Variants in ARAP2 observed in about 807,000 individuals in gnomAD.
ARAP2 encodes the protein ArfGAP with RhoGAP domain, ankyrin repeat and PH domain 2.
A neutral mutation model predicts 194.5 loss-of-function variants in ARAP2; 148 were observed. The observed-to-expected ratio is 0.76, with a 90% confidence interval of 0.67 to 0.87. ARAP2 has a LOEUF of 0.87. Ranked by LOEUF, ARAP2 falls within the 40% of genes least tolerant of loss-of-function variation. The pLI is 0.00. For missense variants in ARAP2, 2,128 were observed against 1,989.7 expected (o/e 1.07, Z -1.32); for synonymous variants, 695 against 683.5 (o/e 1.02, Z -0.26).
chr4:36,163,546 C>A (rs1312728923), intron 11 of ARAP2, among the ~76,000 whole-genome samples: 2 of 152,080 alleles, frequency 1.3e-5, no homozygotes, highest in Non-Finnish European at 2.9e-5. Context: ...AAAACCTATG[C>A]ACACTACAAC....
chr4:36,147,849 A>T, intron 17 of ARAP2, 103 bp from the exon 18 acceptor site: 1 of 1,017,652 alleles, frequency 9.8e-7, no homozygotes, highest in Non-Finnish European at 1.4e-6. Context: ...TTAGTTTTTC[A>T]ATTTTAAAGA....
intron 28 of ARAP2, among the ~76,000 whole-genome samples, chr4:36,090,747 T>TGGGG (rs759687128): frequency 6.6e-6 from 1 of 152,076 alleles, no homozygotes; most frequent in Non-Finnish European, 1.5e-5. Flanking sequence ...CAACACCCAC[T>TGGGG]GGGGCCTTTT....
intron 20 of ARAP2, among the ~76,000 whole-genome samples, chr4:36,130,378 T>C (rs535467214): frequency 6.5e-4 from 99 of 151,992 alleles, no homozygotes; most frequent in Non-Finnish European, 1.3e-3. Context: ...AACTCCTCCT[T>C]CTCACACTAA....
At position 36,154,548 on chromosome 4, in the gene ARAP2, A is replaced by G. The variant is rs918907086; in HGVS notation, c.2753-3504T>C. Among the ~76,000 whole-genome samples, 6 of 152,186 alleles carry G rather than the reference A, an allele frequency of 3.9e-5. No homozygotes were observed. The South Asian group carries it at 6.2e-4, about 16-fold the overall frequency. On this transcript the variant is annotated intron_variant, in intron 15 of 32. Coordinates refer to ENST00000303965, the MANE Select transcript of ARAP2 (RefSeq NM_015230.4). ...AAAGGGAAAACAAAACCAGGATGCT[A>G]TTATTCAACTGTGTACTTAGGTTCA...
intron 15 of ARAP2, among the ~76,000 whole-genome samples, chr4:36,154,480 A>T (rs1419310909): frequency 6.6e-6 from 1 of 152,210 alleles, no homozygotes; most frequent in Non-Finnish European, 1.5e-5. Context: ...ATGTAAACAA[A>T]TCAAGGTAAG....
At chr4:36,122,106 T>C (rs1722810834) in intron 22 of ARAP2, among the ~76,000 whole-genome samples, 1 of 151,310 alleles carries the variant, frequency 6.6e-6, no homozygotes, top group African/African-American at 2.4e-5. Flanking sequence ...TACTGAAAAG[T>C]CAAAAAAATA....
chr4:36,164,544 A>C (rs1734829863), intron 11 of ARAP2, among the ~76,000 whole-genome samples: 1 of 152,216 alleles, frequency 6.6e-6, no homozygotes, highest in Non-Finnish European at 1.5e-5. Context: ...CACTGAGGTG[A>C]AAAATATGTC....
intron 20 of ARAP2, among the ~76,000 whole-genome samples, chr4:36,132,135 T>C (rs1236651250): frequency 2.0e-5 from 3 of 151,778 alleles, no homozygotes; most frequent in Non-Finnish European, 4.4e-5. Flanking sequence ...TTAGTTCTGA[T>C]ATTTTGTTAC....
rs973504911 is a variant in ARAP2 at position 36,238,993 on chromosome 4, G to A, written c.-160+5186C>T. ...CTTGACGAGAAAATAAAGTGTTAAG[G>A]CCAGGCATGGTGGCTCACGCCTGTA... On this transcript the variant is annotated intron_variant, in intron 1 of 32. Coordinates refer to ENST00000303965, the MANE Select transcript of ARAP2 (RefSeq NM_015230.4). Among the ~76,000 whole-genome samples the A allele has an allele frequency of 2.0e-5, 3 of 152,142 alleles. No homozygotes were observed. The East Asian group carries it at 5.8e-4, about 29-fold the overall frequency.
chr4:36,044,510 T>A (rs1394247250), intron 5 of ARAP2, among the ~76,000 whole-genome samples: 6 of 152,176 alleles, frequency 3.9e-5, no homozygotes, highest in African/African-American at 1.4e-4. Flanking sequence ...ATTCACTTGC[T>A]GAAACTGGAC....
chr4:36,063,514 A>C (rs1232031237), downstream of ARAP2, among the ~76,000 whole-genome samples: 7 of 152,252 alleles, frequency 4.6e-5, no homozygotes, highest in African/African-American at 1.7e-4. Flanking sequence ...CCATGGACGA[A>C]GCAGCTCCAG....
chr4:36,043,222 T>G (rs1476159332), intron 5 of ARAP2, among the ~76,000 whole-genome samples: 2 of 152,214 alleles, frequency 1.3e-5, no homozygotes, highest in African/African-American at 4.8e-5. Flanking sequence ...TACCCATGGT[T>G]AAGTAGCTTT....
At chr4:36,207,943 T>C (rs1012516289) in intron 6 of ARAP2, among the ~76,000 whole-genome samples, 1 of 152,220 alleles carries the variant, frequency 6.6e-6, no homozygotes, top group Non-Finnish European at 1.5e-5. Flanking sequence ...ATATGCCTAA[T>C]GCTAGGTTTT....
chr4:36,183,855 G>T (rs934401527), intron 8 of ARAP2, among the ~76,000 whole-genome samples: 2 of 152,160 alleles, frequency 1.3e-5, no homozygotes, highest in Non-Finnish European at 2.9e-5. Flanking sequence ...AACACCAGGG[G>T]GTGATGGAGC....
intron 1 of ARAP2, among the ~76,000 whole-genome samples, chr4:36,230,573 CAAAAT>C (rs1358612620): frequency 2.0e-5 from 3 of 152,244 alleles, no homozygotes; most frequent in East Asian, 1.9e-4. Context: ...TTCTCCAAAA[CAAAAT>C]AAAATTTTTT....
At chr4:36,174,505 C>T (rs1008768352) in intron 9 of ARAP2, among the ~76,000 whole-genome samples, 26 of 152,178 alleles carry the variant, frequency 1.7e-4, no homozygotes, top group South Asian at 4.2e-4. Flanking sequence ...AGTTATTTTC[C>T]ACTTCTTCTT....
chr4:36,074,841 T>C (rs534647478), intron 31 of ARAP2, among the ~76,000 whole-genome samples: 9 of 152,200 alleles, frequency 5.9e-5, no homozygotes, highest in African/African-American at 1.7e-4. Flanking sequence ...CTACCTACCA[T>C]ATAATAACAG....
chr4:36,210,541 C>T lies in ARAP2; in HGVS notation c.1336G>A (p.Val446Ile), dbSNP rs75155324. The T allele has an allele frequency of 1.0e-3, 1,645 of 1,613,734 alleles. No homozygotes were observed. Among genetic ancestry groups the T allele is most frequent in the Non-Finnish European group, 1.3e-3 (1,520 of 1,179,872 alleles). The change falls in exon 6 of 33, where the codon GTT becomes ATT. Residue 446 changes from valine (V) to isoleucine (I), a missense_variant. Coordinates refer to ENST00000303965, the MANE Select transcript of ARAP2 (RefSeq NM_015230.4). ...RTQKALILDS[V>I]NRHSYPLSST... is the part of the protein sequence containing the mutation. Reference sequence around the variant, plus strand: ...CTTAACGGATAACTGTGCCTATTAACGGAGTCCAAAATCAAGGCTTTTTGA... The same window carrying T: ...CTTAACGGATAACTGTGCCTATTAATGGAGTCCAAAATCAAGGCTTTTTGA...
intron 2 of ARAP2, among the ~76,000 whole-genome samples, chr4:36,222,865 C>CA (rs1749478743): frequency 6.6e-6 from 1 of 151,972 alleles, no homozygotes; most frequent in African/African-American, 2.4e-5. Flanking sequence ...AAATATGACT[C>CA]ATACTACAGT....
Sources: allele counts gnomAD v4.1 joint callset (sites outside exome capture counted in the v4.1 genomes callset), GRCh38; gene constraint gnomAD v4.1.1; transcripts MANE v1.5; gene names NCBI Gene and HGNC (gene_info 2026-07-23, HGNC 2026-07-21).